SCHIP1: variants seen among roughly 807,000 people sequenced by gnomAD.
The protein encoded by SCHIP1 is schwannomin interacting protein 1, also known as schwannomin-interacting protein 1.
SCHIP1 carries 8 observed loss-of-function variants against 29.7 expected under a neutral mutation model. The observed-to-expected ratio is 0.27, with a 90% confidence interval of 0.16 to 0.49. SCHIP1 has a LOEUF of 0.49. Ranked by LOEUF, SCHIP1 falls within the 20% of genes least tolerant of loss-of-function variation. The pLI, the probability that SCHIP1 is intolerant of heterozygous loss-of-function variation, is 0.99. For missense variants in SCHIP1, 193 were observed against 294.6 expected (o/e 0.66, Z 2.52); for synonymous variants, 76 against 94.9 (o/e 0.80, Z 1.16).
chr3:159,764,598 C>A, the SCHIP1 span: 5 of 1,609,530 alleles, frequency 3.1e-6, no homozygotes, highest in Non-Finnish European at 4.2e-6. This position sits in a 1 kb window ranked among gnomAD's most constrained non-coding sequence, Gnocchi z 6.1. Flanking sequence ...TGGTGTCTGC[C>A]CTGGAGGACT....
chr3:159,629,754 A>G, the SCHIP1 span, among the ~76,000 whole-genome samples: 1 of 152,204 alleles, frequency 6.6e-6, no homozygotes, highest in Non-Finnish European at 1.5e-5. Flanking sequence ...CTGTATTTTT[A>G]AAAACAAATT....
At chr3:159,752,649 C>G in the SCHIP1 span, among the ~76,000 whole-genome samples, 1 of 152,028 alleles carries the variant, frequency 6.6e-6, no homozygotes, top group Non-Finnish European at 1.5e-5. Flanking sequence ...AAGTGCTGCA[C>G]ACCTTTAAAC....
At chr3:159,300,113 C>CTTTTTT in the SCHIP1 span, among the ~76,000 whole-genome samples, 759 of 45,388 alleles carry the variant, frequency 0.017, 176 homozygotes, top group African/African-American at 0.066. Flanking sequence ...GGGAAAGCTG[C>CTTTTTT]TTTTTTTTTT....
the SCHIP1 span, among the ~76,000 whole-genome samples, chr3:159,777,988 CA>C: frequency 1.2e-4 from 18 of 149,820 alleles, no homozygotes; most frequent in African/African-American, 1.2e-4. Context: ...AAACAGGAAA[CA>C]TTTTTTTTTT....
At chr3:159,450,943 G>C in the SCHIP1 span, among the ~76,000 whole-genome samples, 1 of 151,416 alleles carries the variant, frequency 6.6e-6, no homozygotes, top group Non-Finnish European at 1.5e-5. Flanking sequence ...TGAGTAGCTG[G>C]GACTACAGGC....
At chr3:159,850,542 CAAAAAAAAAAAA>C (rs61224003) in intron 1 of SCHIP1, among the ~76,000 whole-genome samples, 1 of 104,938 alleles carries the variant, frequency 9.5e-6, no homozygotes, top group Non-Finnish European at 2.0e-5. Context: ...GATTCCATCT[CAAAAAAAAAAAA>C]AAAAAAAAAA....
chr3:159,599,032 C>A, the SCHIP1 span, among the ~76,000 whole-genome samples: 1 of 152,006 alleles, frequency 6.6e-6, no homozygotes, highest in Non-Finnish European at 1.5e-5. Context: ...ATAGCCACTC[C>A]TATTTGCTTT....
At chr3:159,640,439 C>A in the SCHIP1 span, among the ~76,000 whole-genome samples, 9 of 152,126 alleles carry the variant, frequency 5.9e-5, no homozygotes, top group Non-Finnish European at 1.0e-4. Context: ...ATCCTCTGAC[C>A]TCCATCTTTG....
At chr3:159,591,920 G>A in the SCHIP1 span, among the ~76,000 whole-genome samples, 264 of 146,698 alleles carry the variant, frequency 1.8e-3, 1 homozygote, top group African/African-American at 6.4e-3. Context: ...ATGTATCCCC[G>A]AACTTAAAAT....
chr3:159,862,912 G>A (rs184447477), intron 1 of SCHIP1, among the ~76,000 whole-genome samples: 2 of 152,252 alleles, frequency 1.3e-5, no homozygotes, highest in South Asian at 2.1e-4. Context: ...GATTGGAACA[G>A]CTTTTTTCGA....
chr3:159,356,208 T>TAA, the SCHIP1 span, among the ~76,000 whole-genome samples: 3 of 144,708 alleles, frequency 2.1e-5, no homozygotes, highest in Admixed American at 6.9e-5. Flanking sequence ...TAAAGTATAA[T>TAA]AAAAAAAAAA....
the SCHIP1 span, among the ~76,000 whole-genome samples, chr3:159,697,386 C>A: frequency 6.6e-6 from 1 of 152,066 alleles, no homozygotes; most frequent in Non-Finnish European, 1.5e-5. Flanking sequence ...GCTCAGTGGA[C>A]ACAATAGAGG....
chr3:159,273,332 C>T, the SCHIP1 span: 1 of 986,388 alleles, frequency 1.0e-6, no homozygotes, highest in African/African-American at 1.7e-5. Context: ...ATGAGGCAGA[C>T]CTGTTTACAT....
chr3:159,706,985 T>C, the SCHIP1 span, among the ~76,000 whole-genome samples: 141 of 152,300 alleles, frequency 9.3e-4, no homozygotes, highest in Admixed American at 1.2e-3. Flanking sequence ...GGAGATGTAA[T>C]GGAACAAAAT....
chr3:159,626,137 G>GATCTAGATATATAT, the SCHIP1 span, among the ~76,000 whole-genome samples: 1 of 85,928 alleles, frequency 1.2e-5, no homozygotes, highest in Non-Finnish European at 2.1e-5. Flanking sequence ...TAGATAGATA[G>GATCTAGATATATAT]ATATATCTAG....
At chr3:159,836,640 T>G (rs2108990398), upstream of SCHIP1, among the ~76,000 whole-genome samples, 1 of 152,218 alleles carries the variant, frequency 6.6e-6, no homozygotes, top group East Asian at 1.9e-4. Context: ...ACAATAACAG[T>G]GTCAGGCTAA....
the SCHIP1 span, among the ~76,000 whole-genome samples, chr3:159,706,593 T>C: frequency 1.3e-5 from 2 of 152,154 alleles, no homozygotes; most frequent in African/African-American, 2.4e-5. Context: ...TTCAGGAGAA[T>C]ACAGACAGGA....
At chr3:159,602,534 C>T in the SCHIP1 span, among the ~76,000 whole-genome samples, 31,057 of 151,918 alleles carry the variant, frequency 0.2, 8,649 homozygotes, top group African/African-American at 0.63. Flanking sequence ...CATAGTAAAA[C>T]CCCGTCTCTA....
At chr3:159,330,208 T>C in the SCHIP1 span, among the ~76,000 whole-genome samples, 2 of 152,232 alleles carry the variant, frequency 1.3e-5, no homozygotes, top group African/African-American at 4.8e-5. Context: ...TCTTGATTTT[T>C]AATGTAGACA....
Sources: gnomAD v4.1 joint callset for allele counts (sites outside exome capture counted in the v4.1 genomes callset) on GRCh38, gnomAD v4.1.1 for gene constraint, Gnocchi (gnomAD v3.1) non-coding constraint, MANE v1.5 for transcripts, NCBI Gene and HGNC (gene_info 2026-07-23, HGNC 2026-07-21) for gene names.